The following SPAG6 variants were observed in gnomAD, a reference collection of about 807,000 sequenced individuals.
SPAG6 encodes sperm associated antigen 6.
SPAG6 carries 49 observed loss-of-function variants against 58.5 expected under a neutral mutation model. That is an observed-to-expected ratio of 0.84 (90% CI 0.67 to 1.06). The LOEUF is 1.06. Ranked by LOEUF, SPAG6 falls within the 50% of genes least tolerant of loss-of-function variation. The pLI is 0.00. For missense variants in SPAG6, 560 were observed against 611.3 expected (o/e 0.92, Z 0.89); for synonymous variants, 233 against 225.6 (o/e 1.03, Z -0.29).
chr10:22,356,707 A>T (rs1007872173), intron 2 of SPAG6, among the ~76,000 whole-genome samples: 9 of 152,344 alleles, frequency 5.9e-5, no homozygotes, highest in African/African-American at 1.9e-4. Flanking sequence ...TTGTCTTCTG[A>T]ATATCTCCTT....
rs146435583 is a variant in SPAG6, at chr10:22,368,614, T to C, written c.408T>C (p.Asp136=). The change falls in exon 4 of 11, where the codon GAT becomes GAC. Residue 136 remains aspartate (D), a synonymous_variant. Transcript: ENST00000376624. ...ALDTLVICLE[D]FDPGVKEAAA... is the part of the protein sequence containing the mutation. Reference sequence around the variant, plus strand: ...ATACGCTGGTCATATGCTTGGAAGATTTTGACCCTGGAGTCAAGGAGGCTG... The same window carrying C: ...ATACGCTGGTCATATGCTTGGAAGACTTTGACCCTGGAGTCAAGGAGGCTG... The C allele has an allele frequency of 1.9e-5, 31 of 1,613,722 alleles. No individual in the cohort carries two copies. Among genetic ancestry groups the C allele is most frequent in the Non-Finnish European group, 2.4e-5 (28 of 1,179,864 alleles).
At chr10:22,393,228 T>C (rs931597176) in intron 8 of SPAG6, among the ~76,000 whole-genome samples, 1 of 152,130 alleles carries the variant, frequency 6.6e-6, no homozygotes, top group Non-Finnish European at 1.5e-5. Flanking sequence ...ATTATCATTG[T>C]TGTTTTTCTC....
intron 8 of SPAG6, among the ~76,000 whole-genome samples, chr10:22,400,285 G>C (rs1005604702): frequency 6.6e-6 from 1 of 152,176 alleles, no homozygotes; most frequent in Non-Finnish European, 1.5e-5. Context: ...CAAAACCTCA[G>C]ACAAGCAGAT....
At chr10:22,368,444 G>T in intron 3 of SPAG6, 51 bp from the exon 4 acceptor site, 2 of 1,528,764 alleles carry the variant, frequency 1.3e-6, no homozygotes, top group South Asian at 1.2e-5. Context: ...TTAGATTTTG[G>T]TTTTCTAAGT....
In SPAG6 at chr10:22,408,320, G is replaced by A. The variant is rs1196796013; in HGVS notation, c.1315-2711G>A. The stretch of plus-strand genomic sequence containing the variant: ...ATGATGATGATGGGTTTTCGGTGTG[G>A]ATGTCCTTTCTGTTTGTTAGTTTTC... On this transcript the variant is annotated intron_variant, in intron 9 of 10. Coordinates refer to ENST00000376624, the MANE Select transcript of SPAG6 (RefSeq NM_012443.4). Among the ~76,000 whole-genome samples, 5 of 137,636 alleles carry A rather than the reference G, an allele frequency of 3.6e-5. No individual in the cohort carries two copies. The South Asian group carries it at 1.1e-3, about 31-fold the overall frequency. The allele number at this position is 137,636 out of a possible 152,430, so 90.3% of individuals were successfully genotyped here. A position where few individuals can be genotyped will look rare whatever the true frequency, so the allele number is the denominator to read the frequency against.
At chr10:22,346,487 C>CT (rs1554776485) in intron 2 of SPAG6, among the ~76,000 whole-genome samples, 22 of 138,578 alleles carry the variant, frequency 1.6e-4, no homozygotes, top group African/African-American at 6.7e-4. Context: ...TCTTCTTCTT[C>CT]TTCTTCTTCT....
rs932469781 is a variant in SPAG6 at position 22,416,564 on chromosome 10, G to T, written c.1461-55G>T. 1.6e-5 allele frequency: 16 copies of T among 1,030,550 alleles called. No homozygotes were observed. The African/African-American group carries it at 2.4e-4, about 15-fold the overall frequency. The allele number at this position is 1,030,550 out of a possible 1,614,324, so 63.8% of individuals were successfully genotyped here. A position where few individuals can be genotyped will look rare whatever the true frequency, so the allele number is the denominator to read the frequency against. ...ATAAATCCCCTATATTGAATCTTAT[G>T]TGCCTGCTGTGTTGATCGTTTCACC... On this transcript the variant is annotated intron_variant, in intron 10 of 10. Coordinates refer to ENST00000376624, the MANE Select transcript of SPAG6 (RefSeq NM_012443.4).
intron 2 of SPAG6, among the ~76,000 whole-genome samples, chr10:22,361,799 T>C (rs1384285781): frequency 6.6e-6 from 1 of 151,922 alleles, no homozygotes; most frequent in Non-Finnish European, 1.5e-5. Context: ...TCAGGAGATT[T>C]GTGATAGATT....
In SPAG6 at chr10:22,417,193, A is replaced by G. The variant is rs1834886142; in HGVS notation, c.*505A>G. 6.6e-6 allele frequency: 1 copy of G among 152,270 alleles called. No homozygotes were observed. The highest frequency in any genetic ancestry group is 1.5e-5 in the Non-Finnish European group (1 of 68,088). The allele number at this position is 152,270 out of a possible 1,614,324, so 9.4% of individuals were successfully genotyped here. A position where few individuals can be genotyped will look rare whatever the true frequency, so the allele number is the denominator to read the frequency against. On this transcript the variant is annotated 3_prime_UTR_variant, in exon 11 of 11. Coordinates refer to ENST00000376624, the MANE Select transcript of SPAG6 (RefSeq NM_012443.4). The stretch of plus-strand genomic sequence containing the variant: ...GCTAGTTATATAAGTGCATTAACTT[A>G]AGACACGGACTCTGTGGGTAACCTG...
At chr10:22,392,511 T>C (rs12249265) in intron 8 of SPAG6, among the ~76,000 whole-genome samples, 4,867 of 152,050 alleles carry the variant, frequency 0.032, 288 homozygotes, top group African/African-American at 0.11. Flanking sequence ...AACATGAATA[T>C]GAAGAAGGAT....
intron 2 of SPAG6, among the ~76,000 whole-genome samples, chr10:22,348,211 G>C (rs954767022): frequency 6.6e-6 from 1 of 152,124 alleles, no homozygotes; most frequent in African/African-American, 2.4e-5. Context: ...GGATGGTCTC[G>C]ATCACTTGAC....
chr10:22,402,805 G>C (rs1159566303), intron 9 of SPAG6, among the ~76,000 whole-genome samples: 6 of 152,208 alleles, frequency 3.9e-5, no homozygotes, highest in Non-Finnish European at 7.3e-5. Flanking sequence ...TGGGTGCTAA[G>C]AAGGTGACCA....
intron 9 of SPAG6, among the ~76,000 whole-genome samples, chr10:22,406,241 T>G (rs1177629180): frequency 6.6e-6 from 1 of 152,196 alleles, no homozygotes; most frequent in Non-Finnish European, 1.5e-5. Flanking sequence ...GGGTGTCAAT[T>G]TTGGATCTTT....
chr10:22,384,833 C>T (rs1417599934), intron 4 of SPAG6, among the ~76,000 whole-genome samples: 1 of 152,156 alleles, frequency 6.6e-6, no homozygotes. Context: ...GGAAGAAGGA[C>T]ATTGCACTCA....
chr10:22,377,391 G>A (rs1290490431), intron 4 of SPAG6, among the ~76,000 whole-genome samples: 1 of 152,186 alleles, frequency 6.6e-6, no homozygotes, highest in African/African-American at 2.4e-5. Flanking sequence ...AATAAGTGAT[G>A]TTGTTTTAAG....
chr10:22,349,308 T>C (rs1165331468), intron 2 of SPAG6, among the ~76,000 whole-genome samples: 1 of 152,192 alleles, frequency 6.6e-6, no homozygotes, highest in Non-Finnish European at 1.5e-5. Context: ...TTATAAAATT[T>C]CTTTATGTAC....
intron 2 of SPAG6, chr10:22,361,444 C>T (rs566627389): frequency 3.3e-5 from 5 of 152,226 alleles, no homozygotes; most frequent in African/African-American, 9.7e-5. Flanking sequence ...GCCTGTAATC[C>T]CAGCACTTTG....
At chr10:22,394,805 C>T (rs1207061952) in intron 8 of SPAG6, among the ~76,000 whole-genome samples, 1 of 152,172 alleles carries the variant, frequency 6.6e-6, no homozygotes, top group Non-Finnish European at 1.5e-5. Flanking sequence ...CTCCTGGGCC[C>T]AAGTGATCCT....
intron 8 of SPAG6, among the ~76,000 whole-genome samples, chr10:22,398,978 C>G (rs2041766919): frequency 6.6e-6 from 1 of 152,044 alleles, no homozygotes; most frequent in African/African-American, 2.4e-5. Context: ...ACCACCATAC[C>G]TGGCTAATTT....
Sources: gnomAD v4.1 joint callset for allele counts (sites outside exome capture counted in the v4.1 genomes callset) on GRCh38, gnomAD v4.1.1 for gene constraint, MANE v1.5 for transcripts, NCBI Gene and HGNC (gene_info 2026-07-23, HGNC 2026-07-21) for gene names.